Variants in SOBP observed in about 807,000 individuals in gnomAD.
The protein encoded by SOBP is sine oculis binding protein homolog.
A neutral mutation model predicts 53.6 loss-of-function variants in SOBP; 4 were observed. That is an observed-to-expected ratio of 0.07 (90% confidence interval 0.04 to 0.17). The LOEUF is 0.17. Among genes scored for constraint, SOBP ranks in the 10% least tolerant of loss-of-function variants. The pLI, the probability that SOBP is intolerant of heterozygous loss-of-function variation, is 1.00. For missense variants in SOBP, 1,088 were observed against 1,204.7 expected (o/e 0.90, Z 1.43); for synonymous variants, 584 against 522.6 (o/e 1.12, Z -1.60).
intron 5 of SOBP, among the ~76,000 whole-genome samples, chr6:107,590,657 C>T (rs1027224150): frequency 6.6e-6 from 1 of 152,118 alleles, no homozygotes; most frequent in Admixed American, 6.5e-5. Context: ...AAAATAGCAT[C>T]AGGGAAGAAT....
intron 6 of SOBP, among the ~76,000 whole-genome samples, chr6:107,643,050 A>G: frequency 6.6e-6 from 1 of 152,212 alleles, no homozygotes; most frequent in East Asian, 1.9e-4. Flanking sequence ...ATTTGAACCA[A>G]CCTACAATAA....
intron 4 of SOBP, among the ~76,000 whole-genome samples, chr6:107,548,825 C>T (rs1450507769): frequency 1.3e-5 from 2 of 152,064 alleles, no homozygotes; most frequent in Non-Finnish European, 2.9e-5. Context: ...GTAGTCTCAG[C>T]TGCTAGGGAG....
intron 5 of SOBP, among the ~76,000 whole-genome samples, chr6:107,632,061 T>C (rs1770737748): frequency 6.6e-6 from 1 of 152,216 alleles, no homozygotes; most frequent in African/African-American, 2.4e-5. Context: ...CATATGTTGT[T>C]TTTGCATTGT....
chr6:107,630,281 G>A (rs1044488290), intron 5 of SOBP, among the ~76,000 whole-genome samples: 8 of 152,200 alleles, frequency 5.3e-5, no homozygotes, highest in African/African-American at 1.4e-4. Flanking sequence ...GAAATAAAAT[G>A]TAAAGCTGTC....
intron 6 of SOBP, among the ~76,000 whole-genome samples, chr6:107,648,634 C>T (rs1395237718): frequency 3.3e-5 from 5 of 151,860 alleles, no homozygotes; most frequent in African/African-American, 1.2e-4. Context: ...ACATTGTGAC[C>T]CTGCCACCCT....
At chr6:107,609,070 C>T (rs1289524189) in intron 5 of SOBP, among the ~76,000 whole-genome samples, 1 of 152,164 alleles carries the variant, frequency 6.6e-6, no homozygotes, top group Non-Finnish European at 1.5e-5. Context: ...GAAAATGAGG[C>T]CAGACTGTTG....
intron 4 of SOBP, among the ~76,000 whole-genome samples, chr6:107,571,521 G>A (rs553157629): frequency 1.3e-5 from 2 of 152,278 alleles, no homozygotes; most frequent in South Asian, 4.1e-4. Flanking sequence ...TCATCACTTT[G>A]CAATGGTGGC....
At chr6:107,514,607 A>T (rs1363925798) in intron 3 of SOBP, 4 of 152,202 alleles carry the variant, frequency 2.6e-5, no homozygotes, top group Non-Finnish European at 5.9e-5. Context: ...GGTGGTGAAG[A>T]CTGCCAGAGC....
At chr6:107,576,733 G>A (rs528805061) in intron 4 of SOBP, among the ~76,000 whole-genome samples, 12 of 152,344 alleles carry the variant, frequency 7.9e-5, no homozygotes, top group African/African-American at 2.6e-4. Flanking sequence ...CTGCTTTGCT[G>A]GTTGGTGGGC....
chr6:107,587,471 G>T (rs1382721453), intron 5 of SOBP, among the ~76,000 whole-genome samples: 1 of 152,142 alleles, frequency 6.6e-6, no homozygotes, highest in Non-Finnish European at 1.5e-5. Flanking sequence ...TATAGAGAAA[G>T]ACAGTTGATA....
intron 5 of SOBP, among the ~76,000 whole-genome samples, chr6:107,614,426 A>C (rs1437264970): frequency 6.6e-6 from 1 of 152,184 alleles, no homozygotes; most frequent in East Asian, 1.9e-4. Context: ...CCTTGGGACA[A>C]AAAGGCCAGG....
chr6:107,518,662 C>T (rs1300286191), intron 3 of SOBP, among the ~76,000 whole-genome samples: 3 of 151,846 alleles, frequency 2.0e-5, no homozygotes, highest in Non-Finnish European at 4.4e-5. Context: ...CTTGGGATTC[C>T]TTAGATGGGC....
intron 3 of SOBP, among the ~76,000 whole-genome samples, chr6:107,513,678 T>G (rs115914314): frequency 8.2e-4 from 123 of 150,440 alleles, no homozygotes; most frequent in African/African-American, 2.9e-3. Flanking sequence ...TACCTAGAGT[T>G]AATGGGATTT....
intron 4 of SOBP, among the ~76,000 whole-genome samples, chr6:107,556,854 A>G (rs554706545): frequency 6.6e-6 from 1 of 152,342 alleles, no homozygotes; most frequent in Non-Finnish European, 1.5e-5. Flanking sequence ...AGTTCCCAAC[A>G]TCAGGTGACT....
At chr6:107,518,306 C>A (rs1038190511) in intron 3 of SOBP, among the ~76,000 whole-genome samples, 106 of 152,268 alleles carry the variant, frequency 7.0e-4, no homozygotes, top group African/African-American at 2.5e-3. Flanking sequence ...GGTAAACACA[C>A]ATGAGAATGG....
chr6:107,605,744 G>T (rs1403388714), intron 5 of SOBP, among the ~76,000 whole-genome samples: 2 of 152,190 alleles, frequency 1.3e-5, no homozygotes, highest in African/African-American at 2.4e-5. Context: ...TCATGTCCAA[G>T]TTGTCTGTAG....
At chr6:107,565,949 C>T (rs1562619283) in intron 4 of SOBP, among the ~76,000 whole-genome samples, 1 of 152,216 alleles carries the variant, frequency 6.6e-6, no homozygotes, top group Non-Finnish European at 1.5e-5. Flanking sequence ...CAGTGGGTTT[C>T]AGCTCAGTTT....
chr6:107,580,824 G>A lies in SOBP; in HGVS notation c.574-6256G>A, dbSNP rs149238294. Among the ~76,000 whole-genome samples, 31 of 152,268 alleles carry A rather than the reference G, an allele frequency of 2.0e-4. No individual in the cohort carries two copies. In the East Asian group the frequency reaches 6.0e-3, roughly 29 times the overall value. The stretch of plus-strand genomic sequence containing the variant: ...TAGGAGGAGCAGGTGTTGGGCAGAA[G>A]TGCATCGAATAGTTGGTGAAGGTCT... On this transcript the variant is annotated intron_variant, in intron 4 of 6. Transcript: ENST00000317357.
In SOBP at chr6:107,634,348, C is replaced by T. The variant is rs1770877857; in HGVS notation, c.1504C>T (p.Pro502Ser). 1.3e-6 allele frequency: 2 copies of T among 1,589,892 alleles called. No individual in the cohort carries two copies. The highest frequency in any genetic ancestry group is 1.3e-5 in the African/African-American group (1 of 74,496). Residue 502 changes from proline to serine, a missense_variant, in exon 6 of 7, where the codon CCG (proline) becomes TCG (serine). Pro to Ser is a moderately conservative substitution (Grantham distance 74, BLOSUM62 -1). Transcript: ENST00000317357. The surrounding 1 kb of genome is among the most constrained non-coding windows in gnomAD (Gnocchi z 4.5). Reference protein sequence around the residue: ...PVSMMPNGPMPVPQMMNFGLP... With the variant: ...PVSMMPNGPMSVPQMMNFGLP... ...GAGCATGATGCCAAATGGCCCGATG[C>T]CGGTGCCCCAGATGATGAATTTCGG...
Sources: gnomAD v4.1 joint callset for allele counts (sites outside exome capture counted in the v4.1 genomes callset) on GRCh38, gnomAD v4.1.1 for gene constraint, Gnocchi (gnomAD v3.1) non-coding constraint, MANE v1.5 for transcripts, NCBI Gene and HGNC (gene_info 2026-07-23, HGNC 2026-07-21) for gene names.